The following RIC1 variants were observed in gnomAD, a reference collection of about 807,000 sequenced individuals.
RIC1 encodes guanine nucleotide exchange factor subunit RIC1.
In RIC1, 88 loss-of-function variants were observed where a neutral mutation model predicts 169.0. That is an observed-to-expected ratio of 0.52 (90% CI 0.44 to 0.62). The LOEUF (loss-of-function observed/expected upper bound fraction) is 0.62, where lower values mean the gene tolerates loss of function less well. Ranked by LOEUF, RIC1 falls within the 20% of genes least tolerant of loss-of-function variation. RIC1 has a pLI of 0.00. For missense variants in RIC1, 1,877 were observed against 1,725.5 expected (o/e 1.09, Z -1.56); for synonymous variants, 790 against 601.5 (o/e 1.31, Z -4.59).
chr9:5,731,314 C>G lies in RIC1; in HGVS notation c.721-1074C>G, dbSNP rs1430632508. Among the ~76,000 whole-genome samples, 4 of 152,136 alleles carry G rather than the reference C, an allele frequency of 2.6e-5. No homozygotes were observed. The East Asian group carries it at 5.8e-4, about 22-fold the overall frequency. On this transcript the variant is annotated intron_variant, in intron 6 of 25. Coordinates refer to ENST00000414202, the MANE Select transcript of RIC1 (RefSeq NM_020829.4). ...CAGCAGTTCAGAGAAATAATGCTCA[C>G]TGCTGTCTTTACCATTTGTGACATA...
intron 3 of RIC1, among the ~76,000 whole-genome samples, chr9:5,710,631 C>T (rs796845361): frequency 7.9e-5 from 12 of 152,184 alleles, no homozygotes; most frequent in African/African-American, 2.9e-4. Context: ...AGGAAAGTTT[C>T]CAGTGTAACT....
chr9:5,710,894 AAGAG>A (rs1247463988), intron 3 of RIC1, among the ~76,000 whole-genome samples: 2 of 152,156 alleles, frequency 1.3e-5, no homozygotes, highest in Admixed American at 6.5e-5. Context: ...AGACAAGAAT[AAGAG>A]AGAAAAGAGA....
intron 2 of RIC1, among the ~76,000 whole-genome samples, chr9:5,680,323 C>T (rs1344419457): frequency 6.6e-6 from 1 of 152,134 alleles, no homozygotes; most frequent in Non-Finnish European, 1.5e-5. Context: ...GTGTCTCTGC[C>T]AGGCTTTGAT....
chr9:5,769,385 T>A, intron 22 of RIC1, 129 bp downstream of exon 22: 1 of 1,594,406 alleles, frequency 6.3e-7, no homozygotes, highest in Non-Finnish European at 8.5e-7. Flanking sequence ...AAAAGCCAAC[T>A]TTTTGTACAT....
intron 9 of RIC1, among the ~76,000 whole-genome samples, chr9:5,743,318 G>GT (rs564214134): frequency 1.1e-4 from 16 of 152,196 alleles, no homozygotes; most frequent in African/African-American, 3.4e-4. Flanking sequence ...AATGAGGGTG[G>GT]TAAGGCATGT....
intron 1 of RIC1, among the ~76,000 whole-genome samples, chr9:5,631,752 A>C (rs1323055230): frequency 6.6e-6 from 1 of 151,738 alleles, no homozygotes; most frequent in Non-Finnish European, 1.5e-5. Context: ...TTACATGCCT[A>C]GGTGAGTGGG....
intron 17 of RIC1, among the ~76,000 whole-genome samples, chr9:5,758,222 A>C (rs1006848632): frequency 3.9e-5 from 6 of 152,172 alleles, no homozygotes; most frequent in African/African-American, 1.4e-4. Flanking sequence ...TTCTGGGTAA[A>C]GTAACAGGGT....
Position 5,765,808 on chromosome 9 carries a change from T to G in RIC1, c.3137+10T>G. On this transcript the variant is annotated intron_variant, in intron 21 of 25. Transcript: ENST00000414202. ...GTCCCTCTGGAAAAAGGTAAAATAA[T>G]AAAGAGCCATTACTGCTTTTTGGGC... The G allele has an allele frequency of 6.2e-7, 1 of 1,613,736 alleles. No individual in the cohort carries two copies. Among genetic ancestry groups the G allele is most frequent in the Non-Finnish European group, 8.5e-7 (1 of 1,179,846 alleles).
chr9:5,771,186 C>T (rs1380118249), intron 23 of RIC1, among the ~76,000 whole-genome samples: 4 of 152,280 alleles, frequency 2.6e-5, no homozygotes, highest in East Asian at 1.9e-4. Context: ...AAAACGAAAA[C>T]TCTGTATATG....
intron 21 of RIC1, among the ~76,000 whole-genome samples, chr9:5,766,142 A>G (rs934864294): frequency 6.6e-6 from 1 of 152,188 alleles, no homozygotes; most frequent in African/African-American, 2.4e-5. Flanking sequence ...TACAGGTTCA[A>G]GCGATTATCC....
In RIC1 at chr9:5,745,976, G is replaced by C. The variant is rs2130996263; in HGVS notation, c.1141G>C (p.Gly381Arg). The C allele has an allele frequency of 6.2e-7, 1 of 1,613,628 alleles. No homozygotes were observed. Among genetic ancestry groups the C allele is most frequent in the East Asian group, 2.2e-5 (1 of 44,858 alleles). ...GYHLWVISGF[G>R]SQNTEIESDL... ...TCACCTATGGGTAATCAGCGGATTT[G>C]GTTCTCAAAACACTGAAATTGAGTC... is the stretch of plus-strand genomic sequence containing the variant. The change falls in exon 11 of 26, where the codon GGT becomes CGT. Residue 381 changes from glycine (G) to arginine (R), a missense_variant. Gly to Arg is a moderately radical substitution (Grantham distance 125). Around this residue, in one of 3 missense-constraint regions of RIC1, gnomAD observed 1,104 missense variants for 992.0 expected, o/e 1.11. Transcript: ENST00000414202.
intron 11 of RIC1, among the ~76,000 whole-genome samples, chr9:5,746,760 T>A (rs1243500820): frequency 1.3e-5 from 2 of 152,176 alleles, no homozygotes; most frequent in Admixed American, 6.6e-5. Context: ...GAAATGTGTA[T>A]CTTAATACCT....
Position 5,774,097 on chromosome 9 carries a change from G to A in RIC1, c.4123G>A (p.Glu1375Lys). 6.2e-7 allele frequency: 1 copy of A among 1,614,108 alleles called. No homozygotes were observed. The highest frequency in any genetic ancestry group is 8.5e-7 in the Non-Finnish European group (1 of 1,179,998). The part of the protein sequence containing the change: ...KTPEQTSPRA[E>K]ESRGSSSHGS... ...TCCAGAACAGACTAGCCCCCGGGCA[G>A]AGGAGAGCAGGGGCTCCTCCAGCCA... The change falls in exon 26 of 26, where the codon GAG (glutamate) becomes AAG (lysine). Residue 1375 changes from glutamate to lysine, a missense_variant. This residue lies in a region of RIC1 where 681 missense variants were observed against 582.0 expected (regional missense o/e 1.17). Transcript: ENST00000414202.
chr9:5,645,098 A>G (rs569443599), intron 1 of RIC1, among the ~76,000 whole-genome samples: 2 of 147,854 alleles, frequency 1.4e-5, no homozygotes, highest in Non-Finnish European at 3.0e-5. Context: ...TTGTCCATTT[A>G]AAAAAAAAAC....
At chr9:5,649,652 C>T (rs1436732946) in intron 1 of RIC1, among the ~76,000 whole-genome samples, 1 of 150,620 alleles carries the variant, frequency 6.6e-6, no homozygotes, top group African/African-American at 2.4e-5. Context: ...ATTTTGAATC[C>T]TGTTGCTGGC....
chr9:5,706,181 G>A (rs953238378), intron 3 of RIC1, among the ~76,000 whole-genome samples: 11 of 152,140 alleles, frequency 7.2e-5, no homozygotes, highest in African/African-American at 2.4e-4. Flanking sequence ...TTAGAAGTCC[G>A]GGGATGGTGG....
intron 10 of RIC1, among the ~76,000 whole-genome samples, chr9:5,744,582 C>A (rs895715871): frequency 6.6e-6 from 1 of 152,020 alleles, no homozygotes; most frequent in Admixed American, 6.6e-5. Context: ...TTATATATAC[C>A]TTATGCACAT....
chr9:5,652,408 A>G (rs962074992), intron 1 of RIC1, among the ~76,000 whole-genome samples: 1 of 152,066 alleles, frequency 6.6e-6, no homozygotes, highest in African/African-American at 2.4e-5. Context: ...TTTTCATTGT[A>G]GTGATCTTTT....
At position 5,702,301 on chromosome 9, in the gene RIC1, G is replaced by A. The variant is rs186299906; in HGVS notation, c.333-11595G>A. 5.0e-3 allele frequency among the ~76,000 whole-genome samples: 756 copies of A among 152,210 alleles called. 10 individuals carry two copies. Among genetic ancestry groups the A allele is most frequent in the Middle Eastern group, 0.014 (4 of 294 alleles). On this transcript the variant is annotated intron_variant, in intron 3 of 25. Coordinates refer to ENST00000414202, the MANE Select transcript of RIC1 (RefSeq NM_020829.4). ...AGGTATATTAGTCTATTCTCACACT[G>A]CCATAAATAAACACCTAAGACTGGG...
Sources: allele counts gnomAD v4.1 joint callset (sites outside exome capture counted in the v4.1 genomes callset), GRCh38; gene constraint gnomAD v4.1.1; regional missense constraint gnomAD v4.1.1; transcripts MANE v1.5; gene names NCBI Gene and HGNC (gene_info 2026-07-23, HGNC 2026-07-21).